Variants in CTNNA3 observed in about 807,000 individuals in gnomAD.
CTNNA3 encodes catenin alpha-3.
CTNNA3 carries 76 observed loss-of-function variants against 95.7 expected under a neutral mutation model. The observed-to-expected ratio is 0.79, with a 90% CI of 0.66 to 0.96. The LOEUF is 0.96. CTNNA3 is among the 40% of genes least tolerant of loss of function. CTNNA3 has a pLI of 0.00. For missense variants in CTNNA3, 1,191 were observed against 1,089.8 expected (o/e 1.09, Z -1.31); for synonymous variants, 431 against 374.4 (o/e 1.15, Z -1.74).
intron 7 of CTNNA3, among the ~76,000 whole-genome samples, chr10:66,971,191 A>C (rs1589519478): frequency 6.6e-6 from 1 of 152,014 alleles, no homozygotes; most frequent in Non-Finnish European, 1.5e-5. Context: ...ACTTTGGGAG[A>C]CCGAGGCAGG....
intron 11 of CTNNA3, among the ~76,000 whole-genome samples, chr10:66,434,030 G>A (rs1356326275): frequency 6.6e-6 from 1 of 152,180 alleles, no homozygotes; most frequent in Non-Finnish European, 1.5e-5. Flanking sequence ...GTATCATGCT[G>A]TTTTTGTTAC....
Position 67,139,383 on chromosome 10 carries a change from A to G in CTNNA3, c.1047+40934T>C, listed in dbSNP as rs370724500. On this transcript the variant is annotated intron_variant, in intron 7 of 17. Transcript: ENST00000433211. ...AGGATGGTCTCGCTTTCCTGACCTCATGATCCGCTCGCCTCAGCCTCCCAA... is the reference window on the plus strand; with the variant it reads ...AGGATGGTCTCGCTTTCCTGACCTCGTGATCCGCTCGCCTCAGCCTCCCAA... Among the ~76,000 whole-genome samples the G allele has an allele frequency of 2.2e-4, 32 of 145,456 alleles. No individual in the cohort carries two copies. The South Asian group carries it at 6.7e-3, about 30-fold the overall frequency.
chr10:66,745,435 A>G (rs1838822495), intron 9 of CTNNA3, among the ~76,000 whole-genome samples: 1 of 152,132 alleles, frequency 6.6e-6, no homozygotes, highest in South Asian at 2.1e-4. Flanking sequence ...CTAAAGGACT[A>G]AAGTTTCTGC....
intron 17 of CTNNA3, among the ~76,000 whole-genome samples, chr10:65,928,273 G>T (rs11813927): frequency 0.016 from 2,397 of 152,090 alleles, 74 homozygotes; most frequent in African/African-American, 0.055. Flanking sequence ...AATAATCTTG[G>T]AATTGCTGTC....
intron 7 of CTNNA3, among the ~76,000 whole-genome samples, chr10:67,168,737 C>T (rs1185609361): frequency 2.0e-5 from 3 of 152,168 alleles, no homozygotes; most frequent in Admixed American, 2.0e-4. Context: ...TAAGAATGCT[C>T]TCTTGCCACT....
chr10:67,189,499 G>A (rs755205857), intron 6 of CTNNA3, among the ~76,000 whole-genome samples: 27 of 149,574 alleles, frequency 1.8e-4, no homozygotes, highest in Non-Finnish European at 3.7e-4. Flanking sequence ...AAATAAGTAT[G>A]TGAGGTAGTG....
At position 67,647,415 on chromosome 10, in the gene CTNNA3, C is replaced by T. The variant is rs1230378653; in HGVS notation, c.99G>A (p.Gln33=). The T allele has an allele frequency of 6.2e-7, 1 of 1,606,626 alleles. No individual in the cohort carries two copies. Among genetic ancestry groups the T allele is most frequent in the East Asian group, 2.2e-5 (1 of 44,750 alleles). Residue 33 remains glutamine (Q), a splice_region_variant and synonymous_variant, in exon 2 of 18, where the codon CAG becomes CAA. Transcript: ENST00000433211. ...VEKLLEPLII[Q]VTTLVNCPQN... ...ATCATAATTTCCATGGTATTAATAC[C>T]TGGATTATGAGAGGCTCCAGTAGCT...
intron 15 of CTNNA3, among the ~76,000 whole-genome samples, chr10:66,016,646 T>C (rs1160154912): frequency 6.6e-6 from 1 of 152,114 alleles, no homozygotes. Flanking sequence ...TATTCATTGA[T>C]AGGAAAAAAA....
chr10:66,530,045 T>A (rs566294818), intron 10 of CTNNA3, among the ~76,000 whole-genome samples: 1 of 152,274 alleles, frequency 6.6e-6, no homozygotes, highest in Non-Finnish European at 1.5e-5. Flanking sequence ...CTTGAAAGAT[T>A]TCTAAAAACA....
chr10:67,124,513 G>C (rs1226091767), intron 7 of CTNNA3, among the ~76,000 whole-genome samples: 4 of 152,112 alleles, frequency 2.6e-5, no homozygotes, highest in Non-Finnish European at 2.9e-5. Context: ...CTAGTCACTT[G>C]TCATGGGTGC....
At chr10:66,884,892 G>A (rs78588018) in intron 7 of CTNNA3, among the ~76,000 whole-genome samples, 2,436 of 152,174 alleles carry the variant, frequency 0.016, 36 homozygotes, top group Middle Eastern at 0.034. Flanking sequence ...GATATGAGAA[G>A]GGGTTGGGGT....
At chr10:66,463,885 A>ATTT (rs1405851488) in intron 11 of CTNNA3, among the ~76,000 whole-genome samples, 5,146 of 140,286 alleles carry the variant, frequency 0.037, 309 homozygotes, top group African/African-American at 0.13. Context: ...GTCACTTTCC[A>ATTT]ATTTTTTTTT....
chr10:66,894,367 G>A (rs1311281950), intron 7 of CTNNA3, among the ~76,000 whole-genome samples: 4 of 151,930 alleles, frequency 2.6e-5, no homozygotes, highest in African/African-American at 4.8e-5. Flanking sequence ...TCTTTAAGTT[G>A]CTTGTTCTTA....
intron 12 of CTNNA3, among the ~76,000 whole-genome samples, chr10:66,319,524 AC>A (rs2092152576): frequency 6.6e-6 from 1 of 152,140 alleles, no homozygotes; most frequent in Admixed American, 6.6e-5. Context: ...CTTGTTTGCA[AC>A]ACTTTGCCTT....
chr10:66,777,870 C>T (rs903721377), intron 7 of CTNNA3, among the ~76,000 whole-genome samples: 26 of 151,904 alleles, frequency 1.7e-4, no homozygotes, highest in African/African-American at 5.1e-4. Flanking sequence ...TGTAAAAACC[C>T]GCTAGCTTCT....
intron 10 of CTNNA3, among the ~76,000 whole-genome samples, chr10:66,556,394 G>A (rs1052584698): frequency 1.3e-5 from 2 of 151,970 alleles, no homozygotes; most frequent in African/African-American, 2.4e-5. Context: ...TCAGTATCGC[G>A]AAGAGATTTC....
intron 13 of CTNNA3, among the ~76,000 whole-genome samples, chr10:66,135,115 A>T (rs1048482970): frequency 1.3e-5 from 2 of 152,204 alleles, no homozygotes; most frequent in Non-Finnish European, 2.9e-5. Flanking sequence ...TTTGAATAAG[A>T]GGTATTATTT....
chr10:67,281,488 T>A (rs1839398519), intron 5 of CTNNA3, among the ~76,000 whole-genome samples: 2 of 152,134 alleles, frequency 1.3e-5, no homozygotes, highest in Admixed American at 6.6e-5. Context: ...AGGAGCCCAA[T>A]AAGTCAGGAA....
rs541257878 is a variant in CTNNA3 at position 67,183,576 on chromosome 10, T to C, written c.844-3056A>G. 2.0e-5 allele frequency among the ~76,000 whole-genome samples: 3 copies of C among 151,970 alleles called. No individual in the cohort carries two copies. The East Asian group carries it at 5.8e-4, about 29-fold the overall frequency. The stretch of plus-strand genomic sequence containing the variant: ...AGGGGGGAGGGATAGCATTAGGAGA[T>C]ATACCTAATGTTAAATGACGAGTTA... On this transcript the variant is annotated intron_variant, in intron 6 of 17. Coordinates refer to ENST00000433211, the MANE Select transcript of CTNNA3 (RefSeq NM_013266.4).
Sources: allele counts gnomAD v4.1 joint callset (sites outside exome capture counted in the v4.1 genomes callset), GRCh38; gene constraint gnomAD v4.1.1; transcripts MANE v1.5; gene names NCBI Gene and HGNC (gene_info 2026-07-23, HGNC 2026-07-21).